JPH2: variants seen among roughly 807,000 people sequenced by gnomAD.
The protein encoded by JPH2 is junctophilin-2.
Under a neutral mutation model 55.9 loss-of-function variants are expected in JPH2, and 38 were observed. The ratio of observed to expected loss-of-function variants is 0.68; its 90% CI spans 0.52 to 0.89. The LOEUF (loss-of-function observed/expected upper bound fraction) is 0.89. JPH2 is among the 40% of genes least tolerant of loss of function. The pLI is 0.00. For synonymous variants in JPH2, 480 were observed against 472.4 expected, an observed-to-expected ratio of 1.02 and a Z score of -0.21; for missense variants, 964 against 1,037.6, an observed-to-expected ratio of 0.93 and a Z score of 0.97.
intron 1 of JPH2, among the ~76,000 whole-genome samples, chr20:44,172,943 C>T (rs1332552718): frequency 6.6e-6 from 1 of 152,096 alleles, no homozygotes; most frequent in Non-Finnish European, 1.5e-5. Context: ...TTTTATAAAA[C>T]TTATGACAGT....
At chr20:44,126,142 G>GAGAGAGAGA (rs199691984) in intron 2 of JPH2, among the ~76,000 whole-genome samples, 1 of 40,332 alleles carries the variant, frequency 2.5e-5, no homozygotes. Context: ...AAAAGAGAGA[G>GAGAGAGAGA]GGAGGGAGGG....
intron 1 of JPH2, among the ~76,000 whole-genome samples, chr20:44,178,427 G>A (rs1424330902): frequency 1.3e-5 from 2 of 152,140 alleles, no homozygotes; most frequent in East Asian, 1.9e-4. Flanking sequence ...ACATTGCTGC[G>A]TGAAATTAAA....
At chr20:44,177,969 A>G in intron 1 of JPH2, 1 of 1,107,210 alleles carries the variant, frequency 9.0e-7, no homozygotes, top group Non-Finnish European at 1.4e-6. Flanking sequence ...ATTTTAACAC[A>G]TCCCTAAAGG....
In JPH2 at chr20:44,116,157, C is replaced by G; in HGVS notation, c.1518G>C (p.Leu506=). 2 of 1,423,136 alleles carry G rather than the reference C, an allele frequency of 1.4e-6. No individual in the cohort carries two copies. The highest frequency in any genetic ancestry group is 3.0e-5 in the Admixed American group (1 of 33,356). 88.2% of individuals were successfully genotyped at this position (1,423,136 alleles called of 1,614,324 possible). ...CGCCGTTCCAGGCGCCTGGGCTCAGCAGGCCGTCCTTGGACACCCCGGGCC... is the reference window on the plus strand; with the variant it reads ...CGCCGTTCCAGGCGCCTGGGCTCAGGAGGCCGTCCTTGGACACCCCGGGCC... ...RPRPGVSKDG[L]LSPGAWNGEP... is the part of the protein sequence containing the mutation. Residue 506 remains leucine, a synonymous_variant, in exon 4 of 6, where the codon CTG becomes CTC. Coordinates refer to ENST00000372980, the MANE Select transcript of JPH2 (RefSeq NM_020433.5).
chr20:44,186,632 C>A lies in JPH2; in HGVS notation c.74G>T (p.Gly25Val). ...CTTGGGGCCTGTGCACAGTCCATGC[C>A]CATGGGCCTTTCCCCCCTCCCAGCC... ...CGGWEGGKAH[G>V]HGLCTGPKGQ... The change falls in exon 1 of 6, where the codon GGG (glycine) becomes GTG (valine). Residue 25 changes from glycine (G) to valine (V), a missense_variant. Transcript: ENST00000372980. 6.2e-7 allele frequency: 1 copy of A among 1,611,604 alleles called. No homozygotes were observed. Among genetic ancestry groups the A allele is most frequent in the Non-Finnish European group, 8.5e-7 (1 of 1,179,984 alleles).
At chr20:44,163,885 G>A (rs1264199158) in intron 1 of JPH2, among the ~76,000 whole-genome samples, 4 of 152,266 alleles carry the variant, frequency 2.6e-5, no homozygotes, top group East Asian at 3.9e-4. Flanking sequence ...AGACACCTGG[G>A]CTCTGTTCCC....
chr20:44,114,950 C>T, intron 4 of JPH2, 74 bp from the exon 5 acceptor site: 1 of 1,183,330 alleles, frequency 8.5e-7, no homozygotes, highest in Non-Finnish European at 1.2e-6. Flanking sequence ...CACAGCAAGG[C>T]TGGACAGAGC....
intron 2 of JPH2, among the ~76,000 whole-genome samples, chr20:44,158,585 T>C (rs2072581538): frequency 6.6e-6 from 1 of 152,228 alleles, no homozygotes; most frequent in African/African-American, 2.4e-5. Flanking sequence ...CCATAAATGT[T>C]TGGAGACAAC....
intron 2 of JPH2, among the ~76,000 whole-genome samples, chr20:44,134,673 TATTTATAAA>T (rs1240405629): frequency 0.11 from 4,012 of 35,772 alleles, 961 homozygotes; most frequent in Middle Eastern, 0.21. Context: ...TATAAATATA[TATTTATAAA>T]TATTATAAAT....
intron 2 of JPH2, among the ~76,000 whole-genome samples, chr20:44,128,702 A>T (rs888982311): frequency 4.0e-5 from 6 of 149,204 alleles, no homozygotes; most frequent in African/African-American, 1.0e-4. Context: ...TTTTTTTTTT[A>T]AAGATACAGA....
At chr20:44,179,259 G>A (rs574094224) in intron 1 of JPH2, among the ~76,000 whole-genome samples, 1 of 152,166 alleles carries the variant, frequency 6.6e-6, no homozygotes, top group African/African-American at 2.4e-5. Flanking sequence ...GGGAAATCTT[G>A]TTCCATGACG....
At chr20:44,171,273 C>T (rs1016411810) in intron 1 of JPH2, among the ~76,000 whole-genome samples, 1 of 152,152 alleles carries the variant, frequency 6.6e-6, no homozygotes, top group Non-Finnish European at 1.5e-5. Context: ...CAACTGATCC[C>T]AGGGGGATTT....
At chr20:44,135,781 C>T (rs927350809) in intron 2 of JPH2, among the ~76,000 whole-genome samples, 1 of 152,188 alleles carries the variant, frequency 6.6e-6, no homozygotes, top group Non-Finnish European at 1.5e-5. Context: ...CATCTCATCT[C>T]CTTTAAGATC....
chr20:44,185,574 G>A (rs960828777), intron 1 of JPH2, among the ~76,000 whole-genome samples: 4 of 151,824 alleles, frequency 2.6e-5, no homozygotes, highest in African/African-American at 7.3e-5. Context: ...GATCAAGGCT[G>A]CAAAGAGCCG....
intron 2 of JPH2, among the ~76,000 whole-genome samples, chr20:44,132,271 A>G (rs947214203): frequency 6.6e-6 from 1 of 151,716 alleles, no homozygotes; most frequent in Non-Finnish European, 1.5e-5. Flanking sequence ...TCTTCTATAT[A>G]GAGAATATTT....
intron 1 of JPH2, among the ~76,000 whole-genome samples, chr20:44,163,716 G>A (rs1257993350): frequency 6.6e-6 from 1 of 152,214 alleles, no homozygotes; most frequent in Admixed American, 6.5e-5. Flanking sequence ...CGAGCCCATG[G>A]CTCTTAATCC....
chr20:44,138,440 G>A (rs1281648216), intron 2 of JPH2, among the ~76,000 whole-genome samples: 1 of 152,120 alleles, frequency 6.6e-6, no homozygotes, highest in Non-Finnish European at 1.5e-5. Flanking sequence ...GTGCAGTAGT[G>A]TGATCATGGC....
At chr20:44,140,772 G>A (rs1218219377) in intron 2 of JPH2, among the ~76,000 whole-genome samples, 1 of 152,010 alleles carries the variant, frequency 6.6e-6, no homozygotes, top group Non-Finnish European at 1.5e-5. Flanking sequence ...CTGAAGCAAG[G>A]GTAATCGTAG....
chr20:44,186,176 A>G (rs1177434431), intron 1 of JPH2, 151 bp downstream of exon 1: 3 of 795,814 alleles, frequency 3.8e-6, no homozygotes, highest in Admixed American at 2.6e-5. Flanking sequence ...AAGCTCAGAA[A>G]GGTAGAGCAG....
Sources: allele counts gnomAD v4.1 joint callset (sites outside exome capture counted in the v4.1 genomes callset), GRCh38; gene constraint gnomAD v4.1.1; transcripts MANE v1.5; gene names NCBI Gene and HGNC (gene_info 2026-07-23, HGNC 2026-07-21).